Variants in CDH4 observed in about 807,000 individuals in gnomAD.
The protein encoded by CDH4 is cadherin 4.
CDH4 carries 33 observed loss-of-function variants against 86.0 expected under a neutral mutation model. The observed-to-expected ratio is 0.38, with a 90% CI of 0.29 to 0.51. CDH4 has a LOEUF of 0.51. Ranked by LOEUF, CDH4 falls within the 20% of genes least tolerant of loss-of-function variation. The probability of loss-of-function intolerance (pLI) is 0.86; values close to 1 mark genes in which losing one functional copy is unlikely to be tolerated. For missense variants in CDH4, 1,114 were observed against 1,307.4 expected (o/e 0.85, Z 2.28); for synonymous variants, 555 against 549.4 (o/e 1.01, Z -0.14).
At chr20:61,530,394 C>T (rs965356208) in intron 2 of CDH4, among the ~76,000 whole-genome samples, 11 of 152,108 alleles carry the variant, frequency 7.2e-5, no homozygotes, top group Non-Finnish European at 1.5e-4. Flanking sequence ...GAATCCTACC[C>T]TGACACAGTC....
intron 2 of CDH4, among the ~76,000 whole-genome samples, chr20:61,627,362 C>T (rs2145782768): frequency 6.6e-6 from 1 of 152,264 alleles, no homozygotes; most frequent in Admixed American, 6.5e-5. Context: ...ACACTCAGGT[C>T]TCCCCCTTGG....
chr20:61,541,260 C>G (rs534149968), intron 2 of CDH4, among the ~76,000 whole-genome samples: 1 of 152,174 alleles, frequency 6.6e-6, no homozygotes, highest in Admixed American at 6.5e-5. Flanking sequence ...CGTGCATTAA[C>G]GTGCGGAGAA....
intron 4 of CDH4, among the ~76,000 whole-genome samples, chr20:61,776,152 A>G (rs748933231): frequency 1.3e-5 from 2 of 149,362 alleles, no homozygotes; most frequent in Non-Finnish European, 2.9e-5. Context: ...TCCGGAAGAC[A>G]TCATCATGAG....
At chr20:61,342,935 A>G (rs757765429) in intron 2 of CDH4, among the ~76,000 whole-genome samples, 6 of 152,298 alleles carry the variant, frequency 3.9e-5, no homozygotes, top group Non-Finnish European at 8.8e-5. Context: ...TTTTAAAACA[A>G]AAACAAAAAG....
In CDH4 at chr20:61,377,369, T is replaced by A. The variant is rs557920900; in HGVS notation, c.169+122432T>A. Among the ~76,000 whole-genome samples the A allele has an allele frequency of 2.6e-5, 4 of 152,222 alleles. 1 individual carries two copies. In the South Asian group the frequency reaches 8.3e-4, roughly 32 times the overall value. ...CCATGTCTAAGTGCCCATCGGACGGTTGAGTTGTGTGGTCCAGGGCTCTGC... is the reference window on the plus strand; with the variant it reads ...CCATGTCTAAGTGCCCATCGGACGGATGAGTTGTGTGGTCCAGGGCTCTGC... On this transcript the variant is annotated intron_variant, in intron 2 of 15. Coordinates refer to ENST00000614565, the MANE Select transcript of CDH4 (RefSeq NM_001794.5). The surrounding 1 kb of genome is among the most constrained non-coding windows in gnomAD (Gnocchi z 4.0).
chr20:61,706,124 CA>C (rs1206868578), intron 2 of CDH4, among the ~76,000 whole-genome samples: 1 of 152,216 alleles, frequency 6.6e-6, no homozygotes, highest in Non-Finnish European at 1.5e-5. Context: ...GGCTGAGGAA[CA>C]GCCGGCCCGA....
At chr20:61,329,519 A>T (rs992974479) in intron 2 of CDH4, among the ~76,000 whole-genome samples, 2 of 151,036 alleles carry the variant, frequency 1.3e-5, no homozygotes, top group Non-Finnish European at 3.0e-5. Context: ...TTATAATAAG[A>T]GAGGGCTCTT....
chr20:61,789,408 C>T (rs114205749), intron 4 of CDH4, among the ~76,000 whole-genome samples: 8,265 of 152,206 alleles, frequency 0.054, 712 homozygotes, highest in African/African-American at 0.19. Context: ...AGCAATCAGC[C>T]AAGGTGCATG....
At chr20:61,768,984 G>T (rs1377104473) in intron 3 of CDH4, among the ~76,000 whole-genome samples, 1 of 152,168 alleles carries the variant, frequency 6.6e-6, no homozygotes, top group Admixed American at 6.5e-5. Context: ...TGGTTCTGAA[G>T]CACCACCAGG....
At chr20:61,609,801 C>T (rs1425803881) in intron 2 of CDH4, among the ~76,000 whole-genome samples, 2 of 152,250 alleles carry the variant, frequency 1.3e-5, no homozygotes, top group Non-Finnish European at 2.9e-5. Flanking sequence ...GCGAATTCTC[C>T]ACTCACATCC....
chr20:61,535,691 G>A (rs1329084922), intron 2 of CDH4, among the ~76,000 whole-genome samples: 2 of 152,134 alleles, frequency 1.3e-5, no homozygotes, highest in Non-Finnish European at 2.9e-5. Context: ...TCTGAGAGGG[G>A]GCCCGGGCTG....
intron 2 of CDH4, among the ~76,000 whole-genome samples, chr20:61,486,562 G>A (rs2085597734): frequency 6.6e-6 from 1 of 152,238 alleles, no homozygotes; most frequent in African/African-American, 2.4e-5. Context: ...AAACACTTGT[G>A]TGGTGCCACC....
At chr20:61,347,941 A>G (rs2084689278) in intron 2 of CDH4, among the ~76,000 whole-genome samples, 7 of 152,202 alleles carry the variant, frequency 4.6e-5, no homozygotes. Flanking sequence ...AAAATGAGGA[A>G]CAGCCCTTTC....
intron 2 of CDH4, among the ~76,000 whole-genome samples, chr20:61,508,738 C>T (rs983588172): frequency 6.6e-6 from 1 of 152,194 alleles, no homozygotes; most frequent in African/African-American, 2.4e-5. Flanking sequence ...CCTGGGTGGC[C>T]ACCGGGATTT....
intron 3 of CDH4, among the ~76,000 whole-genome samples, chr20:61,748,143 T>G (rs998673811): frequency 6.6e-6 from 1 of 151,996 alleles, no homozygotes; most frequent in Non-Finnish European, 1.5e-5. Context: ...ATTTCTTTTC[T>G]TTTTTTTGAG....
At chr20:61,560,636 G>T (rs2086209987) in intron 2 of CDH4, among the ~76,000 whole-genome samples, 1 of 152,206 alleles carries the variant, frequency 6.6e-6, no homozygotes, top group African/African-American at 2.4e-5. Flanking sequence ...CCACCCGCGG[G>T]GCCCTGGCGA....
intron 2 of CDH4, among the ~76,000 whole-genome samples, chr20:61,598,049 C>T (rs553984852): frequency 6.6e-6 from 1 of 152,320 alleles, no homozygotes; most frequent in East Asian, 1.9e-4. Context: ...AATCCCAAGC[C>T]CCTTCCCACC....
intron 2 of CDH4, among the ~76,000 whole-genome samples, chr20:61,454,505 G>T (rs900096333): frequency 6.6e-6 from 1 of 152,144 alleles, no homozygotes; most frequent in African/African-American, 2.4e-5. Flanking sequence ...GAGTGCAGTG[G>T]CGCGATCTCG....
In CDH4 at chr20:61,303,841, G is replaced by A. The variant is rs116316961; in HGVS notation, c.169+48904G>A. Among the ~76,000 whole-genome samples the A allele has an allele frequency of 4.9e-3, 754 of 152,336 alleles. 2 individuals carry two copies. The highest frequency in any genetic ancestry group is 6.7e-3 in the Non-Finnish European group (458 of 68,032). On this transcript the variant is annotated intron_variant, in intron 2 of 15. Coordinates refer to ENST00000614565, the MANE Select transcript of CDH4 (RefSeq NM_001794.5). Reference sequence around the variant, plus strand: ...AGTCCAGTGGGGCAAGCTGGAAAGCGAGCCTTCAGCAGCAGCCTGGATCCC... The same window carrying A: ...AGTCCAGTGGGGCAAGCTGGAAAGCAAGCCTTCAGCAGCAGCCTGGATCCC...
Sources: allele counts gnomAD v4.1 joint callset (sites outside exome capture counted in the v4.1 genomes callset), GRCh38; gene constraint gnomAD v4.1.1; non-coding constraint Gnocchi (gnomAD v3.1); transcripts MANE v1.5; gene names NCBI Gene and HGNC (gene_info 2026-07-23, HGNC 2026-07-21).